The following POLQ variants were observed in gnomAD, a reference collection of about 807,000 sequenced individuals.
POLQ encodes epididymis secretory sperm binding protein.
POLQ carries 233 observed loss-of-function variants against 259.2 expected under a neutral mutation model. The ratio of observed to expected loss-of-function variants is 0.90; its 90% confidence interval spans 0.81 to 1.00. The LOEUF is 1.00. Ranked by LOEUF, POLQ falls within the 50% of genes least tolerant of loss-of-function variation. The pLI is 0.00. For synonymous variants in POLQ, 1,025 were observed against 1,048.8 expected, an observed-to-expected ratio of 0.98 and a Z score of 0.44; for missense variants, 2,871 against 3,051.6, an observed-to-expected ratio of 0.94 and a Z score of 1.39.
In POLQ at chr3:121,510,259, T is replaced by C; in HGVS notation, c.1612-16A>G. On this transcript the variant is annotated splice_polypyrimidine_tract_variant and intron_variant, in intron 10 of 29. Transcript: ENST00000264233. ...CAACTATTATCTGAAAGAAGATATT[T>C]GGAAATTTCTGTAGCTTTTTAAGAA... 6.3e-7 allele frequency: 1 copy of C among 1,581,840 alleles called. No individual in the cohort carries two copies. Among genetic ancestry groups the C allele is most frequent in the Non-Finnish European group, 8.7e-7 (1 of 1,151,638 alleles).
chr3:121,440,667 C>T (rs557740211), intron 26 of POLQ, among the ~76,000 whole-genome samples: 12 of 152,168 alleles, frequency 7.9e-5, no homozygotes, highest in South Asian at 2.1e-4. Context: ...AAAAACAAAA[C>T]GTAAAACTAA....
chr3:121,495,573 G>T (rs2048112109), intron 14 of POLQ, among the ~76,000 whole-genome samples: 1 of 151,764 alleles, frequency 6.6e-6, no homozygotes, highest in Non-Finnish European at 1.5e-5. Flanking sequence ...GCCGGGCGCG[G>T]GTGGCTTATA....
At chr3:121,461,607 C>T (rs569461236) in intron 24 of POLQ, among the ~76,000 whole-genome samples, 4 of 148,450 alleles carry the variant, frequency 2.7e-5, no homozygotes, top group Non-Finnish European at 5.9e-5. Context: ...GCTGAGATCC[C>T]ACCGCTGTAC....
At chr3:121,530,028 C>T (rs1448473453) in intron 6 of POLQ, among the ~76,000 whole-genome samples, 1 of 152,062 alleles carries the variant, frequency 6.6e-6, no homozygotes, top group East Asian at 1.9e-4. Flanking sequence ...GAGCTCCAAC[C>T]CTCAGGCAAT....
intron 18 of POLQ, among the ~76,000 whole-genome samples, chr3:121,483,074 T>C (rs1050415323): frequency 6.6e-6 from 1 of 152,152 alleles, no homozygotes; most frequent in Non-Finnish European, 1.5e-5. Flanking sequence ...CTAAATCTGT[T>C]CTCATTTCAC....
chr3:121,494,496 C>T (rs1318823525), intron 14 of POLQ: 5 of 1,504,534 alleles, frequency 3.3e-6, no homozygotes, highest in Non-Finnish European at 2.7e-6. Flanking sequence ...GACGTCCCCA[C>T]CAAGAGACCA....
chr3:121,459,945 A>T, intron 25 of POLQ, 105 bp downstream of exon 25: 1 of 844,608 alleles, frequency 1.2e-6, no homozygotes, highest in Non-Finnish European at 2.0e-6. Flanking sequence ...AAAGATCCAA[A>T]GTTGGAGAAA....
intron 13 of POLQ, among the ~76,000 whole-genome samples, chr3:121,497,470 T>C (rs2048134081): frequency 1.3e-5 from 2 of 152,144 alleles, no homozygotes; most frequent in African/African-American, 2.4e-5. Context: ...GGAGTCTCAC[T>C]GTGTTGCCCA....
At chr3:121,503,311 G>A (rs925587255) in intron 12 of POLQ, among the ~76,000 whole-genome samples, 1 of 152,160 alleles carries the variant, frequency 6.6e-6, no homozygotes, top group African/African-American at 2.4e-5. Context: ...AGCACACTCT[G>A]TAATATTCAC....
At chr3:121,487,193 A>G (rs550198460) in intron 16 of POLQ, 109 bp downstream of exon 16, 2 of 636,936 alleles carry the variant, frequency 3.1e-6, no homozygotes, top group East Asian at 5.6e-5. Flanking sequence ...GATACATACT[A>G]CAACTTGAAT....
At chr3:121,491,961 T>C (rs1246350360) in intron 15 of POLQ, among the ~76,000 whole-genome samples, 4 of 152,224 alleles carry the variant, frequency 2.6e-5, no homozygotes, top group Non-Finnish European at 5.9e-5. Flanking sequence ...GAATCTAGGT[T>C]GCGTGCTCCT....
chr3:121,447,004 T>A (rs958046700), intron 26 of POLQ, among the ~76,000 whole-genome samples: 3 of 152,090 alleles, frequency 2.0e-5, no homozygotes, highest in African/African-American at 7.2e-5. Flanking sequence ...TTACTGGTTG[T>A]TCCATGGTTT....
At chr3:121,519,773 T>C in intron 9 of POLQ, 98 bp downstream of exon 9, 1 of 722,520 alleles carries the variant, frequency 1.4e-6, no homozygotes, top group Admixed American at 2.0e-5. Context: ...AATAAAGAAA[T>C]ACAGCATGAT....
intron 22 of POLQ, among the ~76,000 whole-genome samples, chr3:121,469,197 A>AAC (rs1576408049): frequency 6.6e-6 from 1 of 151,972 alleles, no homozygotes; most frequent in East Asian, 1.9e-4. Flanking sequence ...AAAAAAAAAA[A>AAC]AAAAAAATGC....
In POLQ at chr3:121,487,151, T is replaced by C. The variant is rs2048018580; in HGVS notation, c.5629+151A>G. ...AATTAATTTAGGTATGCTGAATAAATAAGGCTGTTCTACACATAAATCCAC... is the reference window on the plus strand; with the variant it reads ...AATTAATTTAGGTATGCTGAATAAACAAGGCTGTTCTACACATAAATCCAC... On this transcript the variant is annotated intron_variant, in intron 16 of 29. Coordinates refer to ENST00000264233, the MANE Select transcript of POLQ (RefSeq NM_199420.4). 9.8e-6 allele frequency: 5 copies of C among 509,426 alleles called. No homozygotes were observed. In the South Asian group the frequency reaches 1.9e-4, roughly 19 times the overall value. 31.6% of individuals were successfully genotyped at this position (509,426 alleles called of 1,614,324 possible). A position where few individuals can be genotyped will look rare whatever the true frequency, so the allele number is the denominator to read the frequency against.
At chr3:121,496,078 A>G (rs2048119846) in intron 14 of POLQ, among the ~76,000 whole-genome samples, 1 of 151,994 alleles carries the variant, frequency 6.6e-6, no homozygotes, top group East Asian at 1.9e-4. Flanking sequence ...ACATTAAGGC[A>G]GACCAGTGGT....
In POLQ at chr3:121,490,106, G is replaced by A. The variant is rs1000693658; in HGVS notation, c.2825C>T (p.Thr942Ile). Residue 942 changes from threonine (T) to isoleucine (I), a missense_variant, in exon 16 of 30, where the codon ACA (threonine) becomes ATA (isoleucine). Transcript: ENST00000264233. Reference sequence around the variant, plus strand: ...CTTAATATAAGAATCACTAAATATTGTGTTACTTTTGTTCTTTGATGTTAA... The same window carrying A: ...CTTAATATAAGAATCACTAAATATTATGTTACTTTTGTTCTTTGATGTTAA... ...KKLTSKNKSN[T>I]IFSDSYIKHS... 1.2e-6 allele frequency: 2 copies of A among 1,600,112 alleles called. No homozygotes were observed. The highest frequency in any genetic ancestry group is 2.2e-5 in the East Asian group (1 of 44,806).
At chr3:121,524,069 A>T (rs2108814274) in intron 7 of POLQ, among the ~76,000 whole-genome samples, 1 of 152,366 alleles carries the variant, frequency 6.6e-6, no homozygotes, top group South Asian at 2.1e-4. Context: ...ATCTCATCAT[A>T]GACCAGGCTC....
chr3:121,524,628 T>A (rs1235296922), intron 7 of POLQ, among the ~76,000 whole-genome samples: 1 of 152,016 alleles, frequency 6.6e-6, no homozygotes, highest in Non-Finnish European at 1.5e-5. Flanking sequence ...AAAAGACACA[T>A]ACATACTGTA....
Sources: gnomAD v4.1 joint callset for allele counts (sites outside exome capture counted in the v4.1 genomes callset) on GRCh38, gnomAD v4.1.1 for gene constraint, MANE v1.5 for transcripts, NCBI Gene and HGNC (gene_info 2026-07-23, HGNC 2026-07-21) for gene names.